FAM162A: variants seen among roughly 807,000 people sequenced by gnomAD.
The protein encoded by FAM162A is protein FAM162A.
FAM162A carries 23 observed loss-of-function variants against 21.8 expected under a neutral mutation model. The observed-to-expected ratio is 1.05, with a 90% CI of 0.76 to 1.49. The LOEUF (loss-of-function observed/expected upper bound fraction) is 1.49. Among genes scored for constraint, FAM162A ranks in the 40% most tolerant of loss-of-function variants. The probability of loss-of-function intolerance (pLI) is 0.00; values close to 1 mark genes in which losing one functional copy is unlikely to be tolerated. For missense variants in FAM162A, 165 were observed against 186.4 expected (o/e 0.89, Z 0.67); for synonymous variants, 53 against 61.3 (o/e 0.86, Z 0.64).
rs566260632 is a variant in FAM162A at position 122,411,746 on chromosome 3, G to A, written c.*1915G>A. 2 of 151,918 alleles carry A rather than the reference G, an allele frequency of 1.3e-5. No homozygotes were observed. The highest frequency in any genetic ancestry group is 2.9e-5 in the Non-Finnish European group (2 of 68,000). The allele number at this position is 151,918 out of a possible 1,614,324, so 9.4% of individuals were successfully genotyped here. A position where few individuals can be genotyped will look rare whatever the true frequency, so the allele number is the denominator to read the frequency against. ...TTTTTGTATTTTTCATAAAGACGGG[G>A]GTTTCACCATGTTGGCCAGGCTGGT... On this transcript the variant is annotated 3_prime_UTR_variant, in exon 5 of 5. Coordinates refer to ENST00000477892, the MANE Select transcript of FAM162A (RefSeq NM_014367.4).
At chr3:122,408,189 A>G (rs1272449411) in intron 4 of FAM162A, among the ~76,000 whole-genome samples, 2 of 152,094 alleles carry the variant, frequency 1.3e-5, no homozygotes, top group Non-Finnish European at 2.9e-5. Context: ...CACCCCCATA[A>G]CCCTAAGAGG....
intron 1 of FAM162A, among the ~76,000 whole-genome samples, chr3:122,400,833 A>C (rs989869354): frequency 6.9e-6 from 1 of 145,810 alleles, no homozygotes; most frequent in African/African-American, 2.5e-5. Context: ...ATCTCAAAAC[A>C]AAAAAAAAAA....
chr3:122,404,193 C>G (rs2075666489), intron 2 of FAM162A, 65 bp from the exon 3 acceptor site: 1 of 677,476 alleles, frequency 1.5e-6, no homozygotes, highest in African/African-American at 1.9e-5. Flanking sequence ...TACCATTTTT[C>G]TGTTGTTAAA....
At chr3:122,398,603 G>GT (rs745930460) in intron 1 of FAM162A, among the ~76,000 whole-genome samples, 1 of 152,090 alleles carries the variant, frequency 6.6e-6, no homozygotes, top group Non-Finnish European at 1.5e-5. Context: ...CTAAAGACTG[G>GT]TTTCTTTAAC....
At chr3:122,409,188 G>A (rs985668311) in intron 4 of FAM162A, among the ~76,000 whole-genome samples, 1 of 152,138 alleles carries the variant, frequency 6.6e-6, no homozygotes, top group Non-Finnish European at 1.5e-5. Flanking sequence ...AAGGGAAGAG[G>A]ACGGTTGCCT....
chr3:122,402,733 T>C (rs2075658397), intron 1 of FAM162A, 27 bp from the exon 2 acceptor site: 1 of 1,501,056 alleles, frequency 6.7e-7, no homozygotes, highest in East Asian at 2.4e-5. Context: ...TCTTTCTTTC[T>C]TTGAAACATT....
chr3:122,397,793 T>C (rs375065440), intron 1 of FAM162A, among the ~76,000 whole-genome samples: 7 of 152,344 alleles, frequency 4.6e-5, no homozygotes, highest in East Asian at 3.9e-4. Flanking sequence ...ATTTATTTTA[T>C]GAAGGTATTT....
At chr3:122,391,189 A>T (rs1157573386) in intron 1 of FAM162A, among the ~76,000 whole-genome samples, 1 of 152,126 alleles carries the variant, frequency 6.6e-6, no homozygotes, top group Non-Finnish European at 1.5e-5. Context: ...TAAAATTTAA[A>T]ATTTTATTTT....
At chr3:122,387,980 C>T (rs1191257840) in intron 1 of FAM162A, among the ~76,000 whole-genome samples, 1 of 152,064 alleles carries the variant, frequency 6.6e-6, no homozygotes, top group Non-Finnish European at 1.5e-5. Flanking sequence ...GGATTTTGAT[C>T]AGGAGGCAAT....
intron 3 of FAM162A, among the ~76,000 whole-genome samples, chr3:122,405,002 G>A (rs971010430): frequency 4.6e-5 from 7 of 152,162 alleles, no homozygotes; most frequent in Admixed American, 2.6e-4. Context: ...CTACATGCCC[G>A]TAGCATTGCG....
intron 1 of FAM162A, among the ~76,000 whole-genome samples, chr3:122,401,721 A>T (rs562435505): frequency 6.6e-6 from 1 of 151,940 alleles, no homozygotes; most frequent in African/African-American, 2.4e-5. Context: ...GTGATCAGTG[A>T]TGTTACTTTT....
chr3:122,393,800 A>G (rs1206614475), intron 1 of FAM162A, among the ~76,000 whole-genome samples: 1 of 152,182 alleles, frequency 6.6e-6, no homozygotes, highest in Non-Finnish European at 1.5e-5. Context: ...CTAGAATGTA[A>G]TATGTGTAAG....
At chr3:122,396,381 C>T (rs1353008575) in intron 1 of FAM162A, among the ~76,000 whole-genome samples, 1 of 151,982 alleles carries the variant, frequency 6.6e-6, no homozygotes, top group Non-Finnish European at 1.5e-5. Context: ...ATGCAAATGG[C>T]CAATTAGTAC....
intron 1 of FAM162A, among the ~76,000 whole-genome samples, chr3:122,400,894 TAG>T (rs1350445954): frequency 6.6e-6 from 1 of 152,136 alleles, no homozygotes; most frequent in African/African-American, 2.4e-5. Flanking sequence ...AGAAAGTCAA[TAG>T]AGTCTTGAAT....
intron 1 of FAM162A, among the ~76,000 whole-genome samples, chr3:122,391,699 G>T (rs2075605007): frequency 6.6e-6 from 1 of 152,120 alleles, no homozygotes; most frequent in Admixed American, 6.5e-5. Context: ...ATTCTGTTCT[G>T]GCCATACTGG....
intron 4 of FAM162A, among the ~76,000 whole-genome samples, chr3:122,409,395 G>T (rs770000487): frequency 5.3e-5 from 8 of 152,218 alleles, no homozygotes; most frequent in Non-Finnish European, 5.9e-5. Flanking sequence ...AGAAAAACGG[G>T]ATAGAAATGG....
At chr3:122,405,701 C>T (rs1274268772) in intron 3 of FAM162A, among the ~76,000 whole-genome samples, 1 of 152,198 alleles carries the variant, frequency 6.6e-6, no homozygotes, top group Non-Finnish European at 1.5e-5. Flanking sequence ...AGGGTCTTTT[C>T]TGGGCCTGGG....
At chr3:122,387,126 A>G (rs922272402) in intron 1 of FAM162A, among the ~76,000 whole-genome samples, 3 of 152,220 alleles carry the variant, frequency 2.0e-5, no homozygotes, top group African/African-American at 7.2e-5. Context: ...ATGCTAGGAA[A>G]TATCTTGGAA....
chr3:122,397,202 GA>G (rs1331171483), intron 1 of FAM162A, among the ~76,000 whole-genome samples: 2 of 151,938 alleles, frequency 1.3e-5, no homozygotes, highest in African/African-American at 4.8e-5. Context: ...ATGTTCAAAA[GA>G]TTTTTTTTTT....
Sources: gnomAD v4.1 joint callset for allele counts (sites outside exome capture counted in the v4.1 genomes callset) on GRCh38, gnomAD v4.1.1 for gene constraint, MANE v1.5 for transcripts, NCBI Gene and HGNC (gene_info 2026-07-23, HGNC 2026-07-21) for gene names.